The following SYMPK variants were observed in gnomAD, a reference collection of about 807,000 sequenced individuals.
SYMPK encodes the protein symplekin scaffold protein.
A neutral mutation model predicts 136.4 loss-of-function variants in SYMPK; 49 were observed. The observed-to-expected ratio is 0.36, with a 90% confidence interval of 0.29 to 0.46. The LOEUF is 0.46. Ranked by LOEUF, SYMPK falls within the 20% of genes least tolerant of loss-of-function variation. SYMPK has a pLI of 1.00. For missense variants in SYMPK, 1,365 were observed against 1,690.0 expected (o/e 0.81, Z 3.37); for synonymous variants, 766 against 713.0 (o/e 1.07, Z -1.19).
chr19:45,858,188 C>T (rs1971879547), intron 1 of SYMPK, among the ~76,000 whole-genome samples: 1 of 152,180 alleles, frequency 6.6e-6, no homozygotes. Flanking sequence ...TGACGAGCCA[C>T]AGCCTCCTCC....
chr19:45,845,159 G>A (rs1262515447), intron 7 of SYMPK, among the ~76,000 whole-genome samples: 1 of 150,764 alleles, frequency 6.6e-6, no homozygotes, highest in Non-Finnish European at 1.5e-5. Flanking sequence ...GTCACCCAGA[G>A]TGGAAAGCAG....
At chr19:45,831,282 T>TACAC (rs67226135) in intron 12 of SYMPK, 102 bp downstream of exon 12, 44,463 of 672,674 alleles carry the variant, frequency 0.066, 806 homozygotes, top group East Asian at 0.098. Context: ...GCATCTCAGT[T>TACAC]ACACACACAC....
chr19:45,836,377 T>C (rs1971299871), intron 10 of SYMPK, among the ~76,000 whole-genome samples: 2 of 152,070 alleles, frequency 1.3e-5, no homozygotes, highest in Non-Finnish European at 1.5e-5. Flanking sequence ...ATGCCTGTAA[T>C]CATAGCACTT....
At chr19:45,823,340 T>C in intron 20 of SYMPK, 32 bp downstream of exon 20, 4 of 1,603,960 alleles carry the variant, frequency 2.5e-6, no homozygotes, top group Non-Finnish European at 3.4e-6. Flanking sequence ...ATGTCCCAGG[T>C]AGCAGGGACA....
chr19:45,825,071 C>G, intron 18 of SYMPK, 100 bp downstream of exon 18: 1 of 1,478,308 alleles, frequency 6.8e-7, no homozygotes, highest in Non-Finnish European at 9.1e-7. Context: ...ACCCTTCGGG[C>G]TTGGCACACT....
At chr19:45,853,113 C>G (rs1202588771) in intron 3 of SYMPK, among the ~76,000 whole-genome samples, 2 of 152,188 alleles carry the variant, frequency 1.3e-5, no homozygotes, top group African/African-American at 4.8e-5. Context: ...TGCTAAACGG[C>G]CTCATGACCA....
chr19:45,856,367 T>C lies in SYMPK; in HGVS notation c.-12-1860A>G, dbSNP rs28404472. Among the ~76,000 whole-genome samples, 854 of 152,174 alleles carry C rather than the reference T, an allele frequency of 5.6e-3. 8 individuals are homozygous for C. Among genetic ancestry groups the C allele is most frequent in the African/African-American group, 0.02 (814 of 41,510 alleles). On this transcript the variant is annotated intron_variant, in intron 1 of 26. Coordinates refer to ENST00000245934, the MANE Select transcript of SYMPK (RefSeq NM_004819.3). Reference sequence around the variant, plus strand: ...AAAAAAAAGGTGAATCTCAGTATATTATCCTGAAAAGAGGTCCCTGACAGC... The same window carrying C: ...AAAAAAAAGGTGAATCTCAGTATATCATCCTGAAAAGAGGTCCCTGACAGC...
chr19:45,822,587 C>G (rs1198132183), intron 21 of SYMPK, among the ~76,000 whole-genome samples, 169 bp downstream of exon 21: 1 of 152,146 alleles, frequency 6.6e-6, no homozygotes, highest in Non-Finnish European at 1.5e-5. Flanking sequence ...TAAAAATATC[C>G]CAGAGGGTGG....
intron 5 of SYMPK, among the ~76,000 whole-genome samples, chr19:45,849,848 C>G (rs1338112212): frequency 1.3e-5 from 2 of 151,890 alleles, no homozygotes; most frequent in African/African-American, 4.8e-5. Flanking sequence ...GAGTTTGAGA[C>G]CAGCTTGACC....
chr19:45,820,179 T>C (rs1041158835), intron 22 of SYMPK: 2 of 151,682 alleles, frequency 1.3e-5, no homozygotes, highest in African/African-American at 4.9e-5. Context: ...CCTTGGGGTG[T>C]GTGTGTGTAT....
chr19:45,847,314 C>CT (rs769606959), intron 7 of SYMPK, among the ~76,000 whole-genome samples: 74 of 151,698 alleles, frequency 4.9e-4, no homozygotes, highest in Non-Finnish European at 8.7e-4. Flanking sequence ...GCCCCAGCTA[C>CT]TTTGGAGGCT....
Position 45,817,876 on chromosome 19 carries a change from G to C in SYMPK, c.3081+83C>G, listed in dbSNP as rs542982866. On this transcript the variant is annotated intron_variant, in intron 23 of 26. Coordinates refer to ENST00000245934, the MANE Select transcript of SYMPK (RefSeq NM_004819.3). Reference sequence around the variant, plus strand: ...GCTGTCCTCCACCGGGCTCCCTCCGGGGTCAGACGGGGGAAGGGGAGGGCA... The same window carrying C: ...GCTGTCCTCCACCGGGCTCCCTCCGCGGTCAGACGGGGGAAGGGGAGGGCA... 3.6e-6 allele frequency: 5 copies of C among 1,389,554 alleles called. No individual in the cohort carries two copies. In the East Asian group the frequency reaches 1.3e-4, roughly 35 times the overall value. The allele number at this position is 1,389,554 out of a possible 1,614,324, so 86.1% of individuals were successfully genotyped here. A position where few individuals can be genotyped will look rare whatever the true frequency, so the allele number is the denominator to read the frequency against.
chr19:45,816,199 G>A lies in SYMPK; in HGVS notation c.3355-16C>T, dbSNP rs778734192. On this transcript the variant is annotated splice_polypyrimidine_tract_variant and intron_variant, in intron 25 of 26. Coordinates refer to ENST00000245934, the MANE Select transcript of SYMPK (RefSeq NM_004819.3). ...CCAGATCATCCTGGGGATAGGGAGG[G>A]CCACACAGAAGCTCAGAGGTGGGTG... 3.1e-5 allele frequency: 46 copies of A among 1,491,166 alleles called. No individual in the cohort carries two copies. Among genetic ancestry groups the A allele is most frequent in the Middle Eastern group, 2.4e-4 (1 of 4,162 alleles). The allele number at this position is 1,491,166 out of a possible 1,614,324, so 92.4% of individuals were successfully genotyped here. A position where few individuals can be genotyped will look rare whatever the true frequency, so the allele number is the denominator to read the frequency against.
chr19:45,815,572 C>G lies in SYMPK; in HGVS notation c.3813G>C (p.Lys1271Asn). The change falls in exon 27 of 27, where the codon AAG becomes AAC. Residue 1271 changes from lysine (K) to asparagine (N), a missense_variant. Around this residue, in one of 11 missense-constraint regions of SYMPK, gnomAD observed 341 missense variants for 270.5 expected, o/e 1.26. Coordinates refer to ENST00000245934, the MANE Select transcript of SYMPK (RefSeq NM_004819.3). ...CCCTCGAGCCCCGTCAGCTGTTCCC[C>G]TTGGCCTCGGGTTCCCTGGCGTCCT... ...AAEDAREPEA[K>N]GNS 1.3e-6 allele frequency: 2 copies of G among 1,595,630 alleles called. No homozygotes were observed. Among genetic ancestry groups the G allele is most frequent in the Non-Finnish European group, 1.7e-6 (2 of 1,172,838 alleles).
In SYMPK at chr19:45,831,432, G is replaced by A. The variant is rs1433545975; in HGVS notation, c.1550C>T (p.Pro517Leu). The change falls in exon 12 of 27, where the codon CCG (proline) becomes CTG (leucine). Residue 517 changes from proline to leucine, a missense_variant. This residue lies in a region of SYMPK where 303 missense variants were observed against 326.6 expected (regional missense o/e 0.93). Coordinates refer to ENST00000245934, the MANE Select transcript of SYMPK (RefSeq NM_004819.3). ...GGGCTCTGGCCTCCTCTTGGCCTGC[G>A]GTGCCTCTTCCTCCAGGGGGGACAT... ...SSMSPLEEEA[P>L]QAKRRPEPII... 4 of 1,603,024 alleles carry A rather than the reference G, an allele frequency of 2.5e-6. No individual in the cohort carries two copies. The highest frequency in any genetic ancestry group is 2.7e-5 in the African/African-American group (2 of 74,492).
chr19:45,829,584 C>T (rs8102876), intron 13 of SYMPK, among the ~76,000 whole-genome samples: 48,328 of 151,936 alleles, frequency 0.32, 7,856 homozygotes, highest in Non-Finnish European at 0.35. Context: ...TATTTTTCAG[C>T]TCAGGGAGTA....
intron 22 of SYMPK, chr19:45,820,726 T>G: frequency 6.1e-6 from 1 of 163,582 alleles, no homozygotes; most frequent in Non-Finnish European, 1.3e-5. Context: ...CCGTTTCACT[T>G]CAGATTCTGT....
intron 11 of SYMPK, among the ~76,000 whole-genome samples, chr19:45,831,792 C>CT (rs2146316323): frequency 6.6e-6 from 1 of 152,290 alleles, no homozygotes; most frequent in South Asian, 2.1e-4. Context: ...CCATTCATTG[C>CT]TGGGGGGAGC....
intron 13 of SYMPK, among the ~76,000 whole-genome samples, chr19:45,829,655 T>C (rs1285077460): frequency 6.6e-6 from 1 of 152,186 alleles, no homozygotes; most frequent in Non-Finnish European, 1.5e-5. Context: ...AAGTCACTTT[T>C]CCCCATTCTT....
Sources: gnomAD v4.1 joint callset for allele counts (sites outside exome capture counted in the v4.1 genomes callset) on GRCh38, gnomAD v4.1.1 for gene constraint, gnomAD v4.1.1 regional missense constraint, MANE v1.5 for transcripts, NCBI Gene and HGNC (gene_info 2026-07-23, HGNC 2026-07-21) for gene names.